GRID1: variants seen among roughly 807,000 people sequenced by gnomAD.
GRID1 encodes the protein glutamate ionotropic receptor delta type subunit 1.
In GRID1, 28 loss-of-function variants were observed where a neutral mutation model predicts 98.0. That is an observed-to-expected ratio of 0.29 (90% confidence interval 0.21 to 0.39). The LOEUF is 0.39. Among genes scored for constraint, GRID1 ranks in the 10% least tolerant of loss-of-function variants. The probability of loss-of-function intolerance (pLI) is 1.00; values close to 1 mark genes in which losing one functional copy is unlikely to be tolerated. For missense variants in GRID1, 1,111 were observed against 1,340.5 expected (o/e 0.83, Z 2.67); for synonymous variants, 553 against 538.5 (o/e 1.03, Z -0.37).
chr10:85,639,847 A>G (rs1031689491), intron 13 of GRID1, among the ~76,000 whole-genome samples: 2 of 152,188 alleles, frequency 1.3e-5, no homozygotes, highest in Admixed American at 6.5e-5. Context: ...CTCCAGCCTG[A>G]GCAACAAGAG....
At chr10:85,734,585 C>T (rs1007133325) in intron 8 of GRID1, among the ~76,000 whole-genome samples, 1 of 152,164 alleles carries the variant, frequency 6.6e-6, no homozygotes, top group African/African-American at 2.4e-5. Flanking sequence ...AGCAAAAAAT[C>T]AAAATTCTGC....
intron 5 of GRID1, among the ~76,000 whole-genome samples, chr10:85,889,832 C>A (rs143173644): frequency 6.6e-6 from 1 of 152,168 alleles, no homozygotes; most frequent in South Asian, 2.1e-4. Context: ...TCCGCATCCT[C>A]ATCAATACTT....
chr10:86,228,266 T>C (rs894139122), intron 2 of GRID1, among the ~76,000 whole-genome samples: 2 of 74,338 alleles, frequency 2.7e-5, no homozygotes, highest in African/African-American at 5.2e-5. Context: ...GGGGAGAGGA[T>C]GGTGTGGTGA....
intron 8 of GRID1, among the ~76,000 whole-genome samples, chr10:85,775,884 C>A (rs181775106): frequency 6.6e-6 from 1 of 152,058 alleles, no homozygotes; most frequent in Non-Finnish European, 1.5e-5. Flanking sequence ...GGGTGGGGAG[C>A]AGGACTTTCA....
chr10:86,222,469 C>A (rs1459621941), intron 2 of GRID1, among the ~76,000 whole-genome samples: 11 of 152,182 alleles, frequency 7.2e-5, no homozygotes, highest in Non-Finnish European at 1.5e-5. Context: ...AAAGCGGGGC[C>A]TTCACCCCAC....
intron 8 of GRID1, among the ~76,000 whole-genome samples, chr10:85,783,559 C>T (rs1428438218): frequency 6.6e-6 from 1 of 152,150 alleles, no homozygotes; most frequent in Non-Finnish European, 1.5e-5. Flanking sequence ...GAGGACTAAC[C>T]TCTGAGGATT....
At chr10:86,099,110 C>T (rs1238427544) in intron 4 of GRID1, among the ~76,000 whole-genome samples, 1 of 152,210 alleles carries the variant, frequency 6.6e-6, no homozygotes, top group Non-Finnish European at 1.5e-5. Flanking sequence ...GGTCACATAA[C>T]CACTAACCAC....
At chr10:86,353,352 G>A (rs958506217) in intron 2 of GRID1, among the ~76,000 whole-genome samples, 4 of 152,246 alleles carry the variant, frequency 2.6e-5, no homozygotes, top group Non-Finnish European at 5.9e-5. Context: ...TGGAAGTCTT[G>A]GCTCTTTCTG....
intron 5 of GRID1, among the ~76,000 whole-genome samples, chr10:85,872,751 T>A (rs562437261): frequency 6.6e-6 from 1 of 152,294 alleles, no homozygotes; most frequent in African/African-American, 2.4e-5. Flanking sequence ...TTAGCTGCCA[T>A]ATGTCTTCCT....
chr10:86,087,510 C>CTGTGTGTGTGTGTGTGTG lies in GRID1; in HGVS notation c.726+51291_726+51308dup, dbSNP rs60644459. On this transcript the variant is annotated intron_variant, in intron 4 of 15. Transcript: ENST00000327946. ...AGAAGATCCAAGTGTGTGTGTGTGT[C>CTGTGTGTGTGTGTGTGTG]TGTGTGTGTGTGTGTGTGTGTGTGT... Among the ~76,000 whole-genome samples, 383 of 140,974 alleles carry CTGTGTGTGTGTGTGTGTG rather than the reference C, an allele frequency of 2.7e-3. 1 individual carries two copies. The highest frequency in any genetic ancestry group is 5.1e-3 in the Admixed American group (72 of 14,196). The allele number at this position is 140,974 out of a possible 152,430, so 92.5% of individuals were successfully genotyped here.
At chr10:85,860,202 C>T (rs948567705) in intron 6 of GRID1, among the ~76,000 whole-genome samples, 1 of 152,144 alleles carries the variant, frequency 6.6e-6, no homozygotes, top group African/African-American at 2.4e-5. Flanking sequence ...GTACAGAGTC[C>T]ATTAGCAAAG....
chr10:86,316,207 T>C (rs1847896252), intron 2 of GRID1, among the ~76,000 whole-genome samples: 1 of 152,218 alleles, frequency 6.6e-6, no homozygotes, highest in Non-Finnish European at 1.5e-5. Context: ...CTCTGGGACA[T>C]GCCACCAGGT....
At chr10:85,790,157 C>T (rs1233807967) in intron 8 of GRID1, among the ~76,000 whole-genome samples, 1 of 152,230 alleles carries the variant, frequency 6.6e-6, no homozygotes, top group East Asian at 1.9e-4. Context: ...CATGACTGAG[C>T]CTGTCCACCA....
At chr10:85,903,739 C>T (rs1841421474) in intron 5 of GRID1, among the ~76,000 whole-genome samples, 1 of 152,218 alleles carries the variant, frequency 6.6e-6, no homozygotes, top group Admixed American at 6.5e-5. Context: ...TCACTCTGCT[C>T]CAGCCACACT....
intron 8 of GRID1, among the ~76,000 whole-genome samples, chr10:85,813,176 A>G: frequency 6.6e-6 from 1 of 151,670 alleles, no homozygotes; most frequent in Admixed American, 6.6e-5. Flanking sequence ...TATTTAAAGC[A>G]GTAATTATAG....
intron 4 of GRID1, among the ~76,000 whole-genome samples, chr10:86,119,329 T>G (rs1349703031): frequency 1.3e-5 from 2 of 152,118 alleles, no homozygotes; most frequent in Admixed American, 1.3e-4. Context: ...AGTGAGACCC[T>G]GTCTCAAAAA....
chr10:86,034,462 A>C (rs959028875), intron 4 of GRID1, among the ~76,000 whole-genome samples: 11 of 152,122 alleles, frequency 7.2e-5, no homozygotes, highest in Non-Finnish European at 1.6e-4. Context: ...AGCTGTCTCC[A>C]TTTTAGAGGG....
chr10:86,288,888 G>A (rs576646937), intron 2 of GRID1, among the ~76,000 whole-genome samples: 146 of 152,294 alleles, frequency 9.6e-4, no homozygotes, highest in Non-Finnish European at 1.6e-3. Flanking sequence ...AAGGCTGCAG[G>A]AGAACAGAGG....
At chr10:86,185,713 A>ATTTT (rs1845717236) in intron 3 of GRID1, among the ~76,000 whole-genome samples, 1 of 152,210 alleles carries the variant, frequency 6.6e-6, no homozygotes, top group Non-Finnish European at 1.5e-5. Context: ...CAACATAATC[A>ATTTT]TACGTGTTTT....
Sources: gnomAD v4.1 joint callset for allele counts (sites outside exome capture counted in the v4.1 genomes callset) on GRCh38, gnomAD v4.1.1 for gene constraint, MANE v1.5 for transcripts, NCBI Gene and HGNC (gene_info 2026-07-23, HGNC 2026-07-21) for gene names.